Variants in HEPH observed in about 807,000 individuals in gnomAD.
HEPH encodes hephaestin.
Under a neutral mutation model 80.8 loss-of-function variants are expected in HEPH, and 69 were observed. The observed-to-expected ratio is 0.85, with a 90% CI of 0.70 to 1.04. The LOEUF (loss-of-function observed/expected upper bound fraction) is 1.04, where lower values mean the gene tolerates loss of function less well. HEPH is among the 50% of genes least tolerant of loss of function. The pLI, the probability that HEPH is intolerant of heterozygous loss-of-function variation, is 0.00. For missense variants in HEPH, 1,115 were observed against 891.3 expected, an observed-to-expected ratio of 1.25 and a Z score of -3.20; for synonymous variants, 431 against 322.8, an observed-to-expected ratio of 1.34 and a Z score of -3.60.
At chrX:66,250,744 A>G (rs1214735734) in intron 15 of HEPH, among the ~76,000 whole-genome samples, 1 of 112,159 alleles carries the variant, frequency 8.9e-6, no homozygotes, top group Non-Finnish European at 1.9e-5. Flanking sequence ...GTATGTGTCA[A>G]TAGTTTACTA....
rs145064172 is a variant in HEPH, at chrX:66,256,134, G to T, written c.2700G>T (p.Leu900Phe). ...KDMYSGLVGPLAICQKGILEP... is the reference protein window; with the variant it reads ...KDMYSGLVGPFAICQKGILEP... ...TGTATAGTGGCCTGGTGGGGCCCTTGGCTATCTGCCAAAAGGGCATCCTGG... is the reference window on the plus strand; with the variant it reads ...TGTATAGTGGCCTGGTGGGGCCCTTTGCTATCTGCCAAAAGGGCATCCTGG... Residue 900 changes from leucine (L) to phenylalanine (F), a missense_variant, in exon 17 of 21, where the codon TTG becomes TTT. Leu to Phe is a conservative substitution (Grantham distance 22, BLOSUM62 0). This residue lies in a region of HEPH where 716 missense variants were observed against 523.5 expected (regional missense o/e 1.37). Transcript: ENST00000343002. 1 of 1,210,268 alleles carries T rather than the reference G, an allele frequency of 8.3e-7. No individual in the cohort carries two copies. Among genetic ancestry groups the T allele is most frequent in the South Asian group, 1.8e-5 (1 of 56,923 alleles).
At chrX:66,210,740 T>C (rs886783858) in intron 15 of HEPH, among the ~76,000 whole-genome samples, 1 of 110,647 alleles carries the variant, frequency 9.0e-6, no homozygotes, top group Non-Finnish European at 1.9e-5. Context: ...ATTTGAGAGA[T>C]GTTAAGGCAG....
intron 15 of HEPH, among the ~76,000 whole-genome samples, chrX:66,215,936 G>C (rs967487178): frequency 6.4e-5 from 7 of 109,945 alleles, no homozygotes; most frequent in South Asian, 3.7e-4. Flanking sequence ...GCTGTGGGCT[G>C]TCATCTTTCT....
intron 7 of HEPH, 80 bp from the exon 8 acceptor site, chrX:66,193,422 A>G: frequency 1.6e-6 from 1 of 619,738 alleles, no homozygotes; most frequent in Non-Finnish European, 2.4e-6. Context: ...AAGATTCATA[A>G]CTTGGTGAGA....
chrX:66,190,622 C>A (rs1474378245), intron 6 of HEPH, among the ~76,000 whole-genome samples: 3 of 111,853 alleles, frequency 2.7e-5, no homozygotes, highest in Non-Finnish European at 5.6e-5. Flanking sequence ...GAAAGTTGGT[C>A]TAAATCGTCT....
chrX:66,224,054 T>TTTACTAAA (rs1163317372), intron 15 of HEPH, among the ~76,000 whole-genome samples: 1 of 107,267 alleles, frequency 9.3e-6, no homozygotes, highest in Non-Finnish European at 1.9e-5. Context: ...TAACACTCTT[T>TTTACTAAA]TTACTAAATT....
chrX:66,172,363 C>A lies in HEPH; in HGVS notation c.176C>A (p.Ser59Tyr). Residue 59 changes from serine to tyrosine, a missense_variant, in exon 3 of 21, where the codon TCC becomes TAC. Physicochemically the swap from Ser to Tyr is moderately radical, Grantham distance 144. This residue lies in a region of HEPH where 391 missense variants were observed against 343.6 expected (regional missense o/e 1.14). Transcript: ENST00000343002. ...NQPLDSDIVA[S>Y]SFLKSDKNRI... ...TTTTTCTTCTTTCCCAGAGTGGCTT[C>A]CAGCTTCTTAAAGTCTGACAAGAAC... 2 of 1,187,951 alleles carry A rather than the reference C, an allele frequency of 1.7e-6. No homozygotes were observed. Among genetic ancestry groups the A allele is most frequent in the Non-Finnish European group, 2.3e-6 (2 of 883,419 alleles).
intron 15 of HEPH, among the ~76,000 whole-genome samples, chrX:66,229,056 A>G (rs1173631471): frequency 8.9e-6 from 1 of 112,376 alleles, no homozygotes; most frequent in East Asian, 2.8e-4. Flanking sequence ...AGAAGTCATT[A>G]TACGAAAAAA....
intron 15 of HEPH, among the ~76,000 whole-genome samples, chrX:66,254,050 CATTGA>C (rs758956463): frequency 4.5e-5 from 5 of 111,162 alleles, no homozygotes; most frequent in Non-Finnish European, 9.4e-5. Flanking sequence ...ATACTAAAAA[CATTGA>C]ATTGAACATT....
At chrX:66,233,501 T>C (rs1223448411) in intron 15 of HEPH, among the ~76,000 whole-genome samples, 1 of 111,748 alleles carries the variant, frequency 8.9e-6, no homozygotes, top group East Asian at 2.8e-4. Flanking sequence ...AGAGTGGATT[T>C]ATGAGCACTG....
chrX:66,216,838 G>GA (rs1057041376), intron 15 of HEPH, among the ~76,000 whole-genome samples: 1 of 111,346 alleles, frequency 9.0e-6, no homozygotes, highest in Non-Finnish European at 1.9e-5. Context: ...GGATATAAAT[G>GA]AAAAAATATC....
At chrX:66,187,523 G>T (rs1261052017) in intron 4 of HEPH, among the ~76,000 whole-genome samples, 1 of 111,324 alleles carries the variant, frequency 9.0e-6, no homozygotes, top group South Asian at 3.8e-4. Context: ...CTCTCTTTTG[G>T]GTCTAGCCAC....
At chrX:66,227,864 G>T (rs1345577359) in intron 15 of HEPH, among the ~76,000 whole-genome samples, 1 of 111,006 alleles carries the variant, frequency 9.0e-6, no homozygotes, top group African/African-American at 3.3e-5. Flanking sequence ...GCTTCACCTT[G>T]CTTTGGCTAT....
At chrX:66,178,129 G>T (rs1348222756) in intron 4 of HEPH, among the ~76,000 whole-genome samples, 1 of 110,743 alleles carries the variant, frequency 9.0e-6, no homozygotes, top group African/African-American at 3.3e-5. Context: ...AGTGTGTGAT[G>T]TTCCCTTTCC....
chrX:66,205,726 G>T (rs1368820722), intron 13 of HEPH, among the ~76,000 whole-genome samples: 1 of 110,053 alleles, frequency 9.1e-6, no homozygotes, highest in Non-Finnish European at 1.9e-5. Context: ...CTCCCAAGTA[G>T]CTGGGACTAC....
chrX:66,232,793 A>G (rs964774192), intron 15 of HEPH, among the ~76,000 whole-genome samples: 2 of 111,153 alleles, frequency 1.8e-5, no homozygotes, highest in Non-Finnish European at 1.9e-5. Context: ...TGCATATGGT[A>G]TATTCTATCA....
At chrX:66,193,444 A>C (rs2087917894) in intron 7 of HEPH, 58 bp from the exon 8 acceptor site, 7 of 807,327 alleles carry the variant, frequency 8.7e-6, no homozygotes, top group Admixed American at 3.0e-5. Context: ...TAAGGGTGAG[A>C]TGGGAGTCTA....
At chrX:66,192,845 A>T (rs1055569910) in intron 7 of HEPH, among the ~76,000 whole-genome samples, 1 of 111,363 alleles carries the variant, frequency 9.0e-6, no homozygotes, top group Admixed American at 9.6e-5. Flanking sequence ...GGCAAGATAG[A>T]GTAGGAGGTT....
intron 15 of HEPH, among the ~76,000 whole-genome samples, chrX:66,236,509 G>A (rs1006840091): frequency 2.7e-5 from 3 of 111,525 alleles, no homozygotes; most frequent in Non-Finnish European, 3.8e-5. Flanking sequence ...TGTGGAATTC[G>A]GTTTGCCAGT....
Sources: allele counts gnomAD v4.1 joint callset (sites outside exome capture counted in the v4.1 genomes callset), GRCh38; gene constraint gnomAD v4.1.1; regional missense constraint gnomAD v4.1.1; transcripts MANE v1.5; gene names NCBI Gene and HGNC (gene_info 2026-07-23, HGNC 2026-07-21).